Variants in RBFOX1 observed in about 807,000 individuals in gnomAD.
RBFOX1 encodes the protein RNA binding protein fox-1 homolog 1.
In RBFOX1, 8 loss-of-function variants were observed where a neutral mutation model predicts 57.7. The observed-to-expected ratio is 0.14, with a 90% CI of 0.08 to 0.25. The LOEUF (loss-of-function observed/expected upper bound fraction) is 0.25. Among genes scored for constraint, RBFOX1 ranks in the 10% least tolerant of loss-of-function variants. RBFOX1 has a pLI of 1.00. For synonymous variants in RBFOX1, 326 were observed against 222.4 expected (o/e 1.47, Z -4.15); for missense variants, 611 against 548.5 (o/e 1.11, Z -1.14).
intron 3 of RBFOX1, among the ~76,000 whole-genome samples, chr16:6,978,326 C>A (rs550748604): frequency 1.3e-5 from 2 of 152,102 alleles, no homozygotes; most frequent in Admixed American, 6.6e-5. Flanking sequence ...TTCTTTTATC[C>A]CGGTGCTCTA....
At chr16:7,415,671 T>C (rs1306829620) in intron 4 of RBFOX1, among the ~76,000 whole-genome samples, 1 of 152,152 alleles carries the variant, frequency 6.6e-6, no homozygotes, top group Non-Finnish European at 1.5e-5. Flanking sequence ...AGTGCCACCC[T>C]CTACCAAGAA....
chr16:6,052,804 T>TAAAATA (rs1333699113), intron 1 of RBFOX1, among the ~76,000 whole-genome samples: 1 of 144,238 alleles, frequency 6.9e-6, no homozygotes, highest in Non-Finnish European at 1.5e-5. Flanking sequence ...TAAAATAAAA[T>TAAAATA]ATAATAATAA....
At chr16:6,939,691 T>TG (rs1233405475) in intron 3 of RBFOX1, among the ~76,000 whole-genome samples, 1 of 151,980 alleles carries the variant, frequency 6.6e-6, no homozygotes, top group Non-Finnish European at 1.5e-5. Flanking sequence ...TTTGTATCTT[T>TG]GGTAGAGTTG....
At chr16:6,555,453 A>C (rs1447491653) in intron 2 of RBFOX1, among the ~76,000 whole-genome samples, 1 of 152,174 alleles carries the variant, frequency 6.6e-6, no homozygotes, top group Non-Finnish European at 1.5e-5. Flanking sequence ...TAATCCCAGC[A>C]CTTTGGGAGG....
chr16:6,834,343 C>T (rs767687157), intron 3 of RBFOX1, among the ~76,000 whole-genome samples: 7 of 152,072 alleles, frequency 4.6e-5, no homozygotes, highest in Non-Finnish European at 8.8e-5. Context: ...CCCAAATTTG[C>T]TGGGATTGCA....
chr16:6,609,752 GT>G (rs2098012752), intron 2 of RBFOX1, among the ~76,000 whole-genome samples: 1 of 152,138 alleles, frequency 6.6e-6, no homozygotes, highest in South Asian at 2.1e-4. Flanking sequence ...AATCAGGCCT[GT>G]AATGCTAGCA....
chr16:6,068,845 C>T (rs1303248430), intron 1 of RBFOX1, among the ~76,000 whole-genome samples: 1 of 152,138 alleles, frequency 6.6e-6, no homozygotes, highest in African/African-American at 2.4e-5. Flanking sequence ...TACCCGGTTA[C>T]AGGAATAAAC....
intron 4 of RBFOX1, among the ~76,000 whole-genome samples, chr16:7,218,287 G>T (rs971854229): frequency 6.6e-6 from 1 of 152,120 alleles, no homozygotes; most frequent in African/African-American, 2.4e-5. Context: ...GTAGATGGTG[G>T]TACTAATTTA....
intron 3 of RBFOX1, among the ~76,000 whole-genome samples, chr16:6,892,939 G>A (rs1442286749): frequency 1.3e-5 from 2 of 151,970 alleles, no homozygotes; most frequent in Non-Finnish European, 2.9e-5. Flanking sequence ...CGTGTGTGGC[G>A]CTGGCTCCTG....
At chr16:5,905,760 C>T (rs1231819736) in intron 4 of RBFOX1, among the ~76,000 whole-genome samples, 2 of 152,134 alleles carry the variant, frequency 1.3e-5, no homozygotes, top group African/African-American at 2.4e-5. Flanking sequence ...GTACCCAACC[C>T]TTCAGATTTC....
At chr16:7,478,961 C>T (rs1056069150) in intron 4 of RBFOX1, among the ~76,000 whole-genome samples, 6 of 151,948 alleles carry the variant, frequency 3.9e-5, no homozygotes, top group African/African-American at 7.3e-5. Context: ...GGACCGAACA[C>T]GGTATTAGCC....
chr16:7,397,456 G>A (rs2098160864), intron 4 of RBFOX1, among the ~76,000 whole-genome samples: 1 of 152,142 alleles, frequency 6.6e-6, no homozygotes, highest in African/African-American at 2.4e-5. Context: ...GGCATACTAA[G>A]TCTTCCTGAG....
chr16:5,689,574 C>A (rs1244823656), intron 3 of RBFOX1, among the ~76,000 whole-genome samples: 1 of 152,084 alleles, frequency 6.6e-6, no homozygotes, highest in Non-Finnish European at 1.5e-5. Flanking sequence ...TTTTTGGGAC[C>A]TTAGAATATT....
chr16:7,701,594 G>C (rs2080755748), intron 14 of RBFOX1, among the ~76,000 whole-genome samples: 1 of 152,130 alleles, frequency 6.6e-6, no homozygotes, highest in Non-Finnish European at 1.5e-5. Flanking sequence ...GAAGGCCAGG[G>C]ACTTCTCCTC....
intron 3 of RBFOX1, among the ~76,000 whole-genome samples, chr16:5,640,392 G>A (rs959904833): frequency 1.3e-5 from 2 of 152,040 alleles, no homozygotes; most frequent in African/African-American, 4.8e-5. Flanking sequence ...ATGCATGCAT[G>A]CATGCACATA....
intron 2 of RBFOX1, among the ~76,000 whole-genome samples, chr16:6,437,858 G>A (rs1274871870): frequency 6.6e-6 from 1 of 152,180 alleles, no homozygotes; most frequent in African/African-American, 2.4e-5. Flanking sequence ...CCATCATTCA[G>A]TCACGTCCCA....
intron 4 of RBFOX1, among the ~76,000 whole-genome samples, chr16:5,950,690 C>A (rs1480495146): frequency 6.6e-6 from 1 of 152,238 alleles, no homozygotes; most frequent in Non-Finnish European, 1.5e-5. Context: ...ATCTATGTCT[C>A]TTCCCAGTCC....
intron 3 of RBFOX1, among the ~76,000 whole-genome samples, chr16:6,950,174 T>C (rs1396587827): frequency 6.7e-6 from 1 of 149,380 alleles, no homozygotes; most frequent in Non-Finnish European, 1.5e-5. Flanking sequence ...GCCAGGCTGG[T>C]CTCAAACTCC....
At chr16:6,542,205 T>A (rs1330574719) in intron 2 of RBFOX1, among the ~76,000 whole-genome samples, 1 of 152,084 alleles carries the variant, frequency 6.6e-6, no homozygotes, top group Non-Finnish European at 1.5e-5. Flanking sequence ...GGATTACAGG[T>A]GTGAGCTACT....
Sources: gnomAD v4.1 joint callset for allele counts (sites outside exome capture counted in the v4.1 genomes callset) on GRCh38, gnomAD v4.1.1 for gene constraint, MANE v1.5 for transcripts, NCBI Gene and HGNC (gene_info 2026-07-23, HGNC 2026-07-21) for gene names.